ATG10: variants seen among roughly 807,000 people sequenced by gnomAD.
The protein encoded by ATG10 is ubiquitin-like-conjugating enzyme ATG10.
Under a neutral mutation model 32.1 loss-of-function variants are expected in ATG10, and 30 were observed. That is an observed-to-expected ratio of 0.94 (90% CI 0.70 to 1.27). The LOEUF is 1.27. Ranked by LOEUF, ATG10 falls within the 50% of genes most tolerant of loss-of-function variation. The probability of loss-of-function intolerance (pLI) is 0.00; values close to 1 mark genes in which losing one functional copy is unlikely to be tolerated. For synonymous variants in ATG10, 87 were observed against 91.5 expected (o/e 0.95, Z 0.28); for missense variants, 233 against 262.3 (o/e 0.89, Z 0.77).
chr5:82,120,329 T>C (rs1765996500), intron 3 of ATG10, among the ~76,000 whole-genome samples: 1 of 152,166 alleles, frequency 6.6e-6, no homozygotes, highest in Non-Finnish European at 1.5e-5. Context: ...GAGCCACTGA[T>C]GTGTTTGGCC....
chr5:81,987,076 A>C (rs1761299140), intron 1 of ATG10, among the ~76,000 whole-genome samples: 1 of 152,124 alleles, frequency 6.6e-6, no homozygotes, highest in Non-Finnish European at 1.5e-5. Flanking sequence ...CAAAAATAAA[A>C]ACAACAAAAA....
chr5:82,050,945 A>G (rs1763397510), intron 2 of ATG10, among the ~76,000 whole-genome samples: 1 of 151,962 alleles, frequency 6.6e-6, no homozygotes. Flanking sequence ...CAGGAATTAG[A>G]AGCTGCAATG....
intron 3 of ATG10, among the ~76,000 whole-genome samples, chr5:82,140,985 C>T (rs1394008991): frequency 3.3e-5 from 3 of 91,402 alleles, no homozygotes; most frequent in Non-Finnish European, 6.6e-5. Flanking sequence ...GGATTAAGGG[C>T]GGTGCAAGAT....
intron 3 of ATG10, among the ~76,000 whole-genome samples, chr5:82,103,400 G>A (rs917334181): frequency 6.6e-6 from 1 of 152,096 alleles, no homozygotes; most frequent in Admixed American, 6.6e-5. Flanking sequence ...TTTATTCCAT[G>A]GACATCTAAG....
intron 5 of ATG10, among the ~76,000 whole-genome samples, chr5:82,201,669 C>T (rs143366206): frequency 3.3e-5 from 5 of 152,188 alleles, no homozygotes; most frequent in African/African-American, 1.2e-4. Context: ...TTCTGAATAC[C>T]CACGAAAAAT....
chr5:82,132,300 G>A (rs1048683118), intron 3 of ATG10, among the ~76,000 whole-genome samples: 4 of 151,794 alleles, frequency 2.6e-5, no homozygotes, highest in African/African-American at 9.7e-5. Context: ...TGCAGAATGT[G>A]CAGGTTTGTT....
chr5:82,120,209 G>C (rs1032327378), intron 3 of ATG10, among the ~76,000 whole-genome samples: 6 of 152,096 alleles, frequency 3.9e-5, no homozygotes, highest in African/African-American at 1.4e-4. Flanking sequence ...ATAACCTAAT[G>C]TTTAAAAAAT....
At chr5:82,242,882 G>A (rs1454591001) in intron 5 of ATG10, 1 of 443,320 alleles carries the variant, frequency 2.3e-6, no homozygotes, top group Non-Finnish European at 4.5e-6. Flanking sequence ...AGGGAAAAAT[G>A]GTAAGCAAAA....
Position 82,185,858 on chromosome 5 carries a change from ACTCAGT to A in ATG10, c.453+7275_453+7280del, listed in dbSNP as rs536539155. On this transcript the variant is annotated intron_variant, in intron 5 of 7. Transcript: ENST00000282185. ...GTTCCAGTGATTGGCTTTCTTCTGA[ACTCAGT>A]CTCCCTGGAGTCTTTAGGCATCTCT... Among the ~76,000 whole-genome samples the A allele has an allele frequency of 1.6e-3, 239 of 152,314 alleles. 2 individuals are homozygous for A. Among genetic ancestry groups the A allele is most frequent in the African/African-American group, 5.4e-3 (223 of 41,566 alleles).
intron 3 of ATG10, among the ~76,000 whole-genome samples, chr5:82,103,167 G>A (rs1226217288): frequency 1.3e-5 from 2 of 152,048 alleles, no homozygotes; most frequent in Admixed American, 1.3e-4. Context: ...TTTGTAGACA[G>A]GGACAATAAT....
chr5:82,148,034 C>T (rs893206197), intron 3 of ATG10: 5 of 152,174 alleles, frequency 3.3e-5, no homozygotes, highest in African/African-American at 9.7e-5. Context: ...CAGTCTTCTA[C>T]ATCATGGGTC....
intron 3 of ATG10, among the ~76,000 whole-genome samples, chr5:82,138,641 G>A (rs1489119013): frequency 6.6e-6 from 1 of 152,174 alleles, no homozygotes; most frequent in Non-Finnish European, 1.5e-5. Flanking sequence ...CTTGCTGGGA[G>A]CAGCAGACTG....
chr5:82,093,060 C>T (rs10036319), intron 3 of ATG10, among the ~76,000 whole-genome samples: 8,211 of 152,258 alleles, frequency 0.054, 290 homozygotes, highest in Non-Finnish European at 0.082. Flanking sequence ...CTTGCACTAT[C>T]CTAACTCAGA....
intron 5 of ATG10, among the ~76,000 whole-genome samples, chr5:82,201,470 G>T (rs1169398448): frequency 6.6e-6 from 1 of 152,094 alleles, no homozygotes; most frequent in African/African-American, 2.4e-5. Flanking sequence ...ATTTGAGTGG[G>T]TCTATTTCTG....
At chr5:82,034,918 T>A (rs542257153) in intron 2 of ATG10, among the ~76,000 whole-genome samples, 3 of 152,244 alleles carry the variant, frequency 2.0e-5, no homozygotes, top group African/African-American at 4.8e-5. Context: ...GTTTATCTAT[T>A]ATTATTATTT....
intron 3 of ATG10, among the ~76,000 whole-genome samples, chr5:82,138,210 C>T (rs1348506163): frequency 6.6e-6 from 1 of 152,178 alleles, no homozygotes; most frequent in Non-Finnish European, 1.5e-5. Flanking sequence ...TCCCTGGCTT[C>T]AGCCCCCTTT....
chr5:82,095,794 T>G (rs1765037397), intron 3 of ATG10, among the ~76,000 whole-genome samples: 1 of 152,136 alleles, frequency 6.6e-6, no homozygotes, highest in Non-Finnish European at 1.5e-5. Context: ...CTTCCTCATA[T>G]TTCTCTCTTT....
chr5:81,987,615 T>C lies in ATG10; in HGVS notation c.45T>C (p.Tyr15=), dbSNP rs141546492. 1,040 of 1,612,800 alleles carry C rather than the reference T, an allele frequency of 6.4e-4. No homozygotes were observed. Among genetic ancestry groups the C allele is most frequent in the Non-Finnish European group, 8.2e-4 (966 of 1,179,614 alleles). ...TTGGAGAAAAAACATTCCAACGTTA[T>C]TGTGCAGAATTCATTAAACATTCAC... ...EFIGEKTFQR[Y]CAEFIKHSQQ... is the part of the protein sequence containing the mutation. The change falls in exon 2 of 8, where the codon TAT becomes TAC. Residue 15 remains tyrosine, a synonymous_variant. Transcript: ENST00000282185.
intron 3 of ATG10, among the ~76,000 whole-genome samples, chr5:82,095,884 T>G (rs1765040688): frequency 6.6e-6 from 1 of 152,188 alleles, no homozygotes; most frequent in Non-Finnish European, 1.5e-5. Flanking sequence ...CAAGTTGTTA[T>G]TAGTAGGAAA....
Sources: gnomAD v4.1 joint callset for allele counts (sites outside exome capture counted in the v4.1 genomes callset) on GRCh38, gnomAD v4.1.1 for gene constraint, MANE v1.5 for transcripts, NCBI Gene and HGNC (gene_info 2026-07-23, HGNC 2026-07-21) for gene names.